Variants in CUEDC1 observed in about 807,000 individuals in gnomAD.
CUEDC1 encodes CUE domain containing 1.
In CUEDC1, 30 loss-of-function variants were observed where a neutral mutation model predicts 43.7. The observed-to-expected ratio is 0.69, with a 90% CI of 0.51 to 0.93. CUEDC1 has a LOEUF of 0.93. CUEDC1 is among the 40% of genes least tolerant of loss of function. The pLI is 0.00. For missense variants in CUEDC1, 486 were observed against 549.0 expected (o/e 0.89, Z 1.15); for synonymous variants, 223 against 223.6 (o/e 1.00, Z 0.02).
At chr17:57,940,750 T>C (rs2074909783) in intron 1 of CUEDC1, among the ~76,000 whole-genome samples, 2 of 152,236 alleles carry the variant, frequency 1.3e-5, no homozygotes, top group Admixed American at 1.3e-4. Flanking sequence ...GGAGCAACAG[T>C]GCCAGGTGCT....
chr17:57,914,370 G>A (rs747810039), intron 1 of CUEDC1, among the ~76,000 whole-genome samples: 1 of 152,164 alleles, frequency 6.6e-6, no homozygotes, highest in Non-Finnish European at 1.5e-5. Flanking sequence ...TTAAACCTTG[G>A]GGGGTCGGGA....
At chr17:57,869,519 T>C (rs1330521295) in intron 6 of CUEDC1, among the ~76,000 whole-genome samples, 1 of 152,194 alleles carries the variant, frequency 6.6e-6, no homozygotes, top group Non-Finnish European at 1.5e-5. Flanking sequence ...ATTTCCACCA[T>C]GGAGGTCACC....
At chr17:57,906,116 A>G (rs2074528040) in intron 1 of CUEDC1, among the ~76,000 whole-genome samples, 1 of 152,236 alleles carries the variant, frequency 6.6e-6, no homozygotes, top group Admixed American at 6.5e-5. Flanking sequence ...TAACCCAACA[A>G]ATTGGAAACA....
chr17:57,936,681 C>T (rs2074864394), intron 1 of CUEDC1, among the ~76,000 whole-genome samples: 1 of 152,182 alleles, frequency 6.6e-6, no homozygotes, highest in Admixed American at 6.5e-5. Flanking sequence ...TGAGCCGCAA[C>T]CCGGGTGAGG....
intron 10 of CUEDC1, among the ~76,000 whole-genome samples, chr17:57,866,107 G>A (rs2073953524): frequency 6.6e-6 from 1 of 152,156 alleles, no homozygotes. Context: ...ACAGGCATGG[G>A]ACACCGTGCC....
chr17:57,868,312 T>C lies in CUEDC1; in HGVS notation c.941-69A>G, dbSNP rs1042656626. On this transcript the variant is annotated intron_variant, in intron 7 of 10. Coordinates refer to ENST00000577830, the MANE Select transcript of CUEDC1 (RefSeq NM_001271875.2). ...ACACCAGATGGCCTCCTCCCAGGTG[T>C]GGGAAAGGCCAGGGGAGGACCAAGG... 28 of 1,424,138 alleles carry C rather than the reference T, an allele frequency of 2.0e-5. 1 individual carries two copies. In the Middle Eastern group the frequency reaches 1.3e-3, roughly 64 times the overall value. The allele number at this position is 1,424,138 out of a possible 1,614,324, so 88.2% of individuals were successfully genotyped here.
intron 1 of CUEDC1, among the ~76,000 whole-genome samples, chr17:57,887,870 C>T (rs534907663): frequency 2.1e-5 from 3 of 145,626 alleles, no homozygotes; most frequent in Non-Finnish European, 4.5e-5. Flanking sequence ...GTCTACATCT[C>T]GATTTTTTCT....
chr17:57,921,302 T>A (rs886513147), intron 1 of CUEDC1, among the ~76,000 whole-genome samples: 6 of 152,136 alleles, frequency 3.9e-5, no homozygotes, highest in African/African-American at 1.2e-4. Context: ...GCATAAAAGT[T>A]CCTTGTGAAC....
chr17:57,921,010 T>G (rs1196886432), intron 1 of CUEDC1, among the ~76,000 whole-genome samples: 1 of 152,246 alleles, frequency 6.6e-6, no homozygotes, highest in Non-Finnish European at 1.5e-5. Context: ...TTAAAACACA[T>G]GTACAGATCA....
At chr17:57,880,054 G>T (rs1368211130) in intron 2 of CUEDC1, among the ~76,000 whole-genome samples, 4 of 152,186 alleles carry the variant, frequency 2.6e-5, no homozygotes, top group Admixed American at 2.0e-4. Flanking sequence ...AGTGGTAAGG[G>T]TCAGGGCGGT....
intron 1 of CUEDC1, among the ~76,000 whole-genome samples, chr17:57,903,653 A>G (rs2074497479): frequency 6.6e-6 from 1 of 152,074 alleles, no homozygotes; most frequent in East Asian, 1.9e-4. Flanking sequence ...TTTAAATCAG[A>G]GGCTGGGCAC....
chr17:57,917,579 C>CCT (rs2074655563), intron 1 of CUEDC1, among the ~76,000 whole-genome samples: 1 of 152,206 alleles, frequency 6.6e-6, no homozygotes, highest in East Asian at 1.9e-4. Context: ...TCTCATTGAT[C>CCT]CTCTCAACCA....
intron 1 of CUEDC1, among the ~76,000 whole-genome samples, chr17:57,915,850 T>C (rs112368900): frequency 0.04 from 6,159 of 152,276 alleles, 152 homozygotes; most frequent in Middle Eastern, 0.075. Context: ...GGGGCTGTTA[T>C]GATAAGCAAG....
rs918854143 is a variant in CUEDC1 at position 57,930,523 on chromosome 17, C to A, written c.-316+24702G>T. Among the ~76,000 whole-genome samples, 7 of 152,140 alleles carry A rather than the reference C, an allele frequency of 4.6e-5. No individual in the cohort carries two copies. Among genetic ancestry groups the A allele is most frequent in the Non-Finnish European group, 8.8e-5 (6 of 68,030 alleles). Reference sequence around the variant, plus strand: ...AGCTCAGAAGCACTTGCAAACATTGCGAGGAACGCTACCCACAACCACAGC... The same window carrying A: ...AGCTCAGAAGCACTTGCAAACATTGAGAGGAACGCTACCCACAACCACAGC... On this transcript the variant is annotated intron_variant, in intron 1 of 10. Transcript: ENST00000577830. The surrounding 1 kb of genome is among the most constrained non-coding windows in gnomAD (Gnocchi z 4.2).
In CUEDC1 at chr17:57,953,855, T is replaced by C. The variant is rs551391424; in HGVS notation, c.-316+1370A>G. Reference sequence around the variant, plus strand: ...TCCTGGCCCTTCCAGCTGCAGAAAGTGGACAGCGGGTTTCACACCCAGCCC... The same window carrying C: ...TCCTGGCCCTTCCAGCTGCAGAAAGCGGACAGCGGGTTTCACACCCAGCCC... On this transcript the variant is annotated intron_variant, in intron 1 of 10. Coordinates refer to ENST00000577830, the MANE Select transcript of CUEDC1 (RefSeq NM_001271875.2). Among the ~76,000 whole-genome samples the C allele has an allele frequency of 2.6e-5, 4 of 152,258 alleles. No individual in the cohort carries two copies. In the South Asian group the frequency reaches 8.3e-4, roughly 32 times the overall value.
intron 1 of CUEDC1, among the ~76,000 whole-genome samples, chr17:57,951,465 T>C (rs2075006192): frequency 7.0e-6 from 1 of 142,246 alleles, no homozygotes; most frequent in Non-Finnish European, 1.5e-5. Flanking sequence ...GAGTTGGAAC[T>C]TTTTTTTTTT....
At chr17:57,940,752 C>T (rs2143205640) in intron 1 of CUEDC1, among the ~76,000 whole-genome samples, 1 of 152,304 alleles carries the variant, frequency 6.6e-6, no homozygotes, top group Non-Finnish European at 1.5e-5. Context: ...AGCAACAGTG[C>T]CAGGTGCTGT....
intron 1 of CUEDC1, among the ~76,000 whole-genome samples, chr17:57,919,295 T>C (rs2074676868): frequency 6.6e-6 from 1 of 152,180 alleles, no homozygotes. Context: ...TTCTCCTGCC[T>C]CAGCCTCCCA....
At chr17:57,906,294 T>C (rs1567713090) in intron 1 of CUEDC1, among the ~76,000 whole-genome samples, 1 of 152,268 alleles carries the variant, frequency 6.6e-6, no homozygotes, top group Non-Finnish European at 1.5e-5. Flanking sequence ...AATGAAATGC[T>C]GACACATGCT....
Sources: allele counts gnomAD v4.1 joint callset (sites outside exome capture counted in the v4.1 genomes callset), GRCh38; gene constraint gnomAD v4.1.1; non-coding constraint Gnocchi (gnomAD v3.1); transcripts MANE v1.5; gene names NCBI Gene and HGNC (gene_info 2026-07-23, HGNC 2026-07-21).